The following MYO6 variants were observed in gnomAD, a reference collection of about 807,000 sequenced individuals.
MYO6 encodes the protein unconventional myosin-VI.
MYO6 carries 74 observed loss-of-function variants against 178.7 expected under a neutral mutation model. That is an observed-to-expected ratio of 0.41 (90% CI 0.34 to 0.50). The LOEUF (loss-of-function observed/expected upper bound fraction) is 0.50, where lower values mean the gene tolerates loss of function less well. MYO6 is among the 20% of genes least tolerant of loss of function. The pLI, the probability that MYO6 is intolerant of heterozygous loss-of-function variation, is 0.09. For synonymous variants in MYO6, 477 were observed against 504.6 expected, an observed-to-expected ratio of 0.95 and a Z score of 0.73; for missense variants, 1,330 against 1,547.4, an observed-to-expected ratio of 0.86 and a Z score of 2.36.
At chr6:75,886,768 A>C in intron 24 of MYO6, 76 bp from the exon 25 acceptor site, 1 of 1,368,900 alleles carries the variant, frequency 7.3e-7, no homozygotes, top group South Asian at 1.2e-5. Flanking sequence ...TACCCTGTTT[A>C]GCATTTTATA....
At chr6:75,904,999 G>T (rs577205337) in intron 30 of MYO6, among the ~76,000 whole-genome samples, 1 of 152,184 alleles carries the variant, frequency 6.6e-6, no homozygotes, top group African/African-American at 2.4e-5. Context: ...TGAGGTGTCA[G>T]TCTGCCCCTG....
Position 75,917,969 on chromosome 6 carries a change from G to A in MYO6, c.*2957G>A, listed in dbSNP as rs1781210948. The stretch of plus-strand genomic sequence containing the variant: ...AATCAATCAGTCAGCCAATTAATAT[G>A]ATGTTAGTGATAGACCTGCCTCCTT... On this transcript the variant is annotated 3_prime_UTR_variant, in exon 35 of 35. Transcript: ENST00000369977. The A allele has an allele frequency of 6.6e-6, 1 of 152,506 alleles. No individual in the cohort carries two copies. Among genetic ancestry groups the A allele is most frequent in the African/African-American group, 2.4e-5 (1 of 41,408 alleles). 9.4% of individuals were successfully genotyped at this position (152,506 alleles called of 1,614,324 possible).
intron 1 of MYO6, among the ~76,000 whole-genome samples, chr6:75,798,162 T>C (rs183804222): frequency 1.6e-4 from 25 of 152,326 alleles, no homozygotes; most frequent in African/African-American, 5.8e-4. Context: ...TTTTTATATA[T>C]GGTGAAAGGT....
intron 9 of MYO6, among the ~76,000 whole-genome samples, chr6:75,844,117 A>G (rs986338786): frequency 6.6e-6 from 1 of 152,154 alleles, no homozygotes; most frequent in Non-Finnish European, 1.5e-5. Flanking sequence ...CTTTTAGTCT[A>G]CCGTATAGCA....
At chr6:75,905,196 C>T (rs956470610) in intron 30 of MYO6, among the ~76,000 whole-genome samples, 5 of 152,358 alleles carry the variant, frequency 3.3e-5, no homozygotes, top group Non-Finnish European at 4.4e-5. Flanking sequence ...TATGCCCTGC[C>T]CCCAGAGGTG....
intron 1 of MYO6, among the ~76,000 whole-genome samples, chr6:75,799,995 A>G (rs1769281767): frequency 6.6e-6 from 1 of 151,876 alleles, no homozygotes; most frequent in Non-Finnish European, 1.5e-5. Flanking sequence ...TCTTATTTCT[A>G]TGTGTGGTTT....
At position 75,784,776 on chromosome 6, in the gene MYO6, C is replaced by CAAAAAAA. The variant is rs754218278; in HGVS notation, c.-47-32704_-47-32698dup. Among the ~76,000 whole-genome samples the CAAAAAAA allele has an allele frequency of 1.5e-4, 8 of 54,408 alleles. 1 individual carries two copies. The highest frequency in any genetic ancestry group is 5.2e-4 in the African/African-American group (8 of 15,488). 35.7% of individuals were successfully genotyped at this position (54,408 alleles called of 152,430 possible). A position where few individuals can be genotyped will look rare whatever the true frequency, so the allele number is the denominator to read the frequency against. On this transcript the variant is annotated intron_variant, in intron 1 of 34. Coordinates refer to ENST00000369977, the MANE Select transcript of MYO6 (RefSeq NM_004999.4). ...TGGGCAACAGAGTGAGACTCCGTCT[C>CAAAAAAA]AAAAAAAAAAAAAAAAAAAAAAAAA...
chr6:75,900,584 T>A (rs1004795480), intron 30 of MYO6, among the ~76,000 whole-genome samples: 5 of 152,150 alleles, frequency 3.3e-5, no homozygotes, highest in Non-Finnish European at 7.4e-5. Flanking sequence ...GATGGGGTTG[T>A]TTGTTTTCTT....
chr6:75,780,386 G>C (rs760367030), intron 1 of MYO6, among the ~76,000 whole-genome samples: 1 of 152,190 alleles, frequency 6.6e-6, no homozygotes, highest in Non-Finnish European at 1.5e-5. Context: ...AGATTGCAGT[G>C]AGTCGAGATT....
intron 22 of MYO6, among the ~76,000 whole-genome samples, chr6:75,880,775 A>G (rs980650085): frequency 4.6e-5 from 7 of 152,240 alleles, no homozygotes. Context: ...AGAAGCCGTT[A>G]TATTGGTTGA....
rs1252912172 is a variant in MYO6, at chr6:75,805,021, A to ATATATTTTTT, written c.-47-12479_-47-12478insATATTTTTTT. Among the ~76,000 whole-genome samples, 59 of 77,282 alleles carry ATATATTTTTT rather than the reference A, an allele frequency of 7.6e-4. 2 individuals carry two copies. The highest frequency in any genetic ancestry group is 4.5e-3 in the East Asian group (8 of 1,786). The allele number at this position is 77,282 out of a possible 152,430, so 50.7% of individuals were successfully genotyped here. On this transcript the variant is annotated intron_variant, in intron 1 of 34. Transcript: ENST00000369977. ...CACACACATATATATATATATATAT[A>ATATATTTTTT]TTTTTTTTTTTTTTTTTTTTGAGAC...
intron 1 of MYO6, among the ~76,000 whole-genome samples, chr6:75,816,512 T>C (rs991247282): frequency 1.3e-5 from 2 of 152,242 alleles, no homozygotes; most frequent in African/African-American, 2.4e-5. Context: ...TGACCTTGAT[T>C]GGAGTGTTTC....
intron 22 of MYO6, among the ~76,000 whole-genome samples, chr6:75,880,994 A>G (rs894474973): frequency 5.3e-5 from 8 of 152,224 alleles, no homozygotes; most frequent in African/African-American, 1.9e-4. Flanking sequence ...GCTCACGCCT[A>G]TAATCCCAGC....
chr6:75,877,423 C>T (rs1311853070), intron 20 of MYO6, among the ~76,000 whole-genome samples: 2 of 152,050 alleles, frequency 1.3e-5, no homozygotes, highest in African/African-American at 4.8e-5. Context: ...CCCACCACCA[C>T]ACCCGGCTAA....
intron 26 of MYO6, among the ~76,000 whole-genome samples, chr6:75,890,483 T>TA (rs1778818220): frequency 6.6e-6 from 1 of 152,148 alleles, no homozygotes. Flanking sequence ...TAGCTGGGAT[T>TA]ACAGGTGCGC....
intron 1 of MYO6, among the ~76,000 whole-genome samples, chr6:75,809,140 A>G (rs758823120): frequency 1.3e-5 from 2 of 152,256 alleles, no homozygotes; most frequent in Non-Finnish European, 1.5e-5. Context: ...TGAGGGAGGC[A>G]TGTAACTTTT....
chr6:75,898,350 T>C (rs1225756617), intron 29 of MYO6, 23 bp from the exon 30 acceptor site: 1 of 1,553,680 alleles, frequency 6.4e-7, no homozygotes, highest in Non-Finnish European at 8.9e-7. Flanking sequence ...TGTAACCATA[T>C]TGTATTATCG....
intron 1 of MYO6, among the ~76,000 whole-genome samples, chr6:75,777,172 A>G (rs1766474919): frequency 6.6e-6 from 1 of 152,212 alleles, no homozygotes; most frequent in African/African-American, 2.4e-5. Flanking sequence ...GTGATGGATG[A>G]GAAAAGTATC....
rs541241744 is a variant in MYO6 at position 75,902,804 on chromosome 6, T to G, written c.3176+4393T>G. Reference sequence around the variant, plus strand: ...GTTTGCTCTTGCTTTTCTAGTTCTTTTAATTGTGATGTTAGGGTGTCAATT... The same window carrying G: ...GTTTGCTCTTGCTTTTCTAGTTCTTGTAATTGTGATGTTAGGGTGTCAATT... On this transcript the variant is annotated intron_variant, in intron 30 of 34. Transcript: ENST00000369977. Among the ~76,000 whole-genome samples the G allele has an allele frequency of 3.0e-3, 447 of 151,494 alleles. 4 individuals are homozygous for G. The highest frequency in any genetic ancestry group is 0.01 in the African/African-American group (430 of 41,280).
Sources: gnomAD v4.1 joint callset for allele counts (sites outside exome capture counted in the v4.1 genomes callset) on GRCh38, gnomAD v4.1.1 for gene constraint, MANE v1.5 for transcripts, NCBI Gene and HGNC (gene_info 2026-07-23, HGNC 2026-07-21) for gene names.